OSBPL3: variants seen among roughly 807,000 people sequenced by gnomAD.
OSBPL3 encodes the protein oxysterol-binding protein-related protein 3.
OSBPL3 carries 65 observed loss-of-function variants against 120.1 expected under a neutral mutation model. The observed-to-expected ratio is 0.54, with a 90% confidence interval of 0.44 to 0.67. The LOEUF (loss-of-function observed/expected upper bound fraction) is 0.67. Ranked by LOEUF, OSBPL3 falls within the 30% of genes least tolerant of loss-of-function variation. The pLI is 0.00. For missense variants in OSBPL3, 1,004 were observed against 1,082.1 expected (o/e 0.93, Z 1.01); for synonymous variants, 416 against 402.6 (o/e 1.03, Z -0.40).
rs1312045369 is a variant in OSBPL3 at position 24,913,069 on chromosome 7, C to A, written c.-149-20448G>T. Among the ~76,000 whole-genome samples the A allele has an allele frequency of 6.6e-6, 1 of 152,232 alleles. No individual in the cohort carries two copies. Among genetic ancestry groups the A allele is most frequent in the Non-Finnish European group, 1.5e-5 (1 of 68,050 alleles). On this transcript the variant is annotated intron_variant, in intron 1 of 22. Coordinates refer to ENST00000313367, the MANE Select transcript of OSBPL3 (RefSeq NM_015550.4). The surrounding 1 kb of genome is among the most constrained non-coding windows in gnomAD (Gnocchi z 5.3). ...CCAGCATCAACCCGCAGACATGTGA[C>A]TGAGCAAGGATTCAAATGTCCCAGC... is the stretch of plus-strand genomic sequence containing the variant.
In OSBPL3 at chr7:24,854,350, C is replaced by T; in HGVS notation, c.1028-1716G>A. ...AGTGGGCTATTTAGTAACACAGAAA[C>T]TAAATAGGCATTATTGACTTACTTC... On this transcript the variant is annotated intron_variant, in intron 10 of 22. Transcript: ENST00000313367. This position sits in a 1 kb window ranked among gnomAD's most constrained non-coding sequence, Gnocchi z 4.1. Among the ~76,000 whole-genome samples the T allele has an allele frequency of 6.6e-6, 1 of 152,092 alleles. No homozygotes were observed. Among genetic ancestry groups the T allele is most frequent in the East Asian group, 1.9e-4 (1 of 5,200 alleles).
chr7:24,832,522 AAAAAAAAAAG>A (rs1195422898), intron 15 of OSBPL3, among the ~76,000 whole-genome samples: 1 of 151,272 alleles, frequency 6.6e-6, no homozygotes, highest in Non-Finnish European at 1.5e-5. Flanking sequence ...AGAAAAAAAA[AAAAAAAAAAG>A]AAGAAGAAAA....
In OSBPL3 at chr7:24,938,781, G is replaced by GTGTGTGTC. The variant is rs759920291; in HGVS notation, c.-150+41104_-150+41105insGACACACA. On this transcript the variant is annotated intron_variant, in intron 1 of 22. Transcript: ENST00000313367. This position sits in a 1 kb window ranked among gnomAD's most constrained non-coding sequence, Gnocchi z 5.8. ...CTGAATAATGAGGTTTTGTTTTGAT[G>GTGTGTGTC]TGTGTGTGTGTGTGTGTGTGTGTGT... Among the ~76,000 whole-genome samples the GTGTGTGTC allele has an allele frequency of 0.22, 10,496 of 47,438 alleles. 731 individuals are homozygous for GTGTGTGTC. The highest frequency in any genetic ancestry group is 0.37 in the East Asian group (751 of 2,018). 31.1% of individuals were successfully genotyped at this position (47,438 alleles called of 152,430 possible). A position where few individuals can be genotyped will look rare whatever the true frequency, so the allele number is the denominator to read the frequency against.
rs776726443 is a variant in OSBPL3, at chr7:24,830,783, C to A, written c.1869G>T (p.Gln623His). The change falls in exon 16 of 23, where the codon CAG (glutamine) becomes CAT (histidine). Residue 623 changes from glutamine (Q) to histidine (H), a missense_variant. Around this residue, in one of 4 missense-constraint regions of OSBPL3, gnomAD observed 473 missense variants for 568.0 expected, o/e 0.83. Coordinates refer to ENST00000313367, the MANE Select transcript of OSBPL3 (RefSeq NM_015550.4). The surrounding 1 kb of genome is among the most constrained non-coding windows in gnomAD (Gnocchi z 4.4). ...YECIREDKGF[Q>H]FFSEQVSHHP... ...GTACATCTACCTGTTCTGAAAAAAA[C>A]TGGAAGCCCTTGTCCTCCCGAATAC... 6.2e-7 allele frequency: 1 copy of A among 1,610,396 alleles called. No individual in the cohort carries two copies. The highest frequency in any genetic ancestry group is 8.5e-7 in the Non-Finnish European group (1 of 1,179,118).
rs927491848 is a variant in OSBPL3, at chr7:24,953,765, AG to A, written c.-150+26120del. ...GTCACTTAGATCAAGGCACAACTGG[AG>A]CTCCATTTAATAAATGGTCAATGCC... On this transcript the variant is annotated intron_variant, in intron 1 of 22. Transcript: ENST00000313367. This position sits in a 1 kb window ranked among gnomAD's most constrained non-coding sequence, Gnocchi z 4.3. Among the ~76,000 whole-genome samples, 27 of 152,228 alleles carry A rather than the reference AG, an allele frequency of 1.8e-4. 1 individual carries two copies. Among genetic ancestry groups the A allele is most frequent in the African/African-American group, 6.5e-4 (27 of 41,466 alleles).
At chr7:24,948,305 A>T (rs1813981083) in intron 1 of OSBPL3, among the ~76,000 whole-genome samples, 2 of 152,252 alleles carry the variant, frequency 1.3e-5, no homozygotes, top group Non-Finnish European at 2.9e-5. Context: ...ACTTCTATAC[A>T]AAAGAATTAA....
chr7:24,925,859 A>G (rs565948357), intron 1 of OSBPL3, among the ~76,000 whole-genome samples: 1 of 152,382 alleles, frequency 6.6e-6, no homozygotes, highest in East Asian at 1.9e-4. Context: ...CAGATTTGTG[A>G]TGTGGAAAAG....
intron 1 of OSBPL3, among the ~76,000 whole-genome samples, chr7:24,910,057 C>T (rs1409042304): frequency 2.0e-5 from 3 of 152,052 alleles, no homozygotes; most frequent in Admixed American, 6.6e-5. Flanking sequence ...CCACCTGCCT[C>T]GGCCTCCCAA....
chr7:24,954,460 C>T (rs1043421698), intron 1 of OSBPL3, among the ~76,000 whole-genome samples: 7 of 152,232 alleles, frequency 4.6e-5, no homozygotes, highest in Non-Finnish European at 8.8e-5. Flanking sequence ...ATCATATCCA[C>T]GAGAGACCCA....
At chr7:24,811,232 T>C (rs1303241402) in intron 19 of OSBPL3, among the ~76,000 whole-genome samples, 2 of 152,254 alleles carry the variant, frequency 1.3e-5, no homozygotes, top group African/African-American at 4.8e-5. Flanking sequence ...TATGAGGTGA[T>C]ATCTCATTGT....
chr7:24,951,018 T>C (rs1004087814), intron 1 of OSBPL3, among the ~76,000 whole-genome samples: 16 of 152,214 alleles, frequency 1.1e-4, no homozygotes, highest in African/African-American at 3.6e-4. Context: ...TTATATGATA[T>C]TGTGTCAAAG....
chr7:24,949,764 CA>C (rs1317556115), intron 1 of OSBPL3, among the ~76,000 whole-genome samples: 1 of 152,110 alleles, frequency 6.6e-6, no homozygotes, highest in Non-Finnish European at 1.5e-5. Flanking sequence ...CAGAGGGGTA[CA>C]GGGATGGCTG....
chr7:24,860,215 C>T (rs1186020393), intron 10 of OSBPL3, among the ~76,000 whole-genome samples: 1 of 152,140 alleles, frequency 6.6e-6, no homozygotes. Flanking sequence ...CTACAAGATC[C>T]CTTGTGCTAC....
Position 24,863,103 on chromosome 7 carries a change from C to A in OSBPL3, c.870+97G>T. 1 of 811,398 alleles carries A rather than the reference C, an allele frequency of 1.2e-6. No homozygotes were observed. Among genetic ancestry groups the A allele is most frequent in the Admixed American group, 1.8e-5 (1 of 55,598 alleles). 50.3% of individuals were successfully genotyped at this position (811,398 alleles called of 1,614,324 possible). ...AAAGAACAACTACAGAATATTCACT[C>A]ATCTATTCTCCTAGCTGAGTCAAGG... On this transcript the variant is annotated intron_variant, in intron 9 of 22. Coordinates refer to ENST00000313367, the MANE Select transcript of OSBPL3 (RefSeq NM_015550.4). The surrounding 1 kb of genome is among the most constrained non-coding windows in gnomAD (Gnocchi z 5.8).
intron 7 of OSBPL3, among the ~76,000 whole-genome samples, chr7:24,864,396 G>T (rs1193626410): frequency 3.3e-5 from 5 of 152,180 alleles, no homozygotes; most frequent in Non-Finnish European, 7.3e-5. Context: ...ATACATCTGG[G>T]TTGAGCCTGA....
rs1371830175 is a variant in OSBPL3 at position 24,892,329 on chromosome 7, T to C, written c.96+48A>G. On this transcript the variant is annotated intron_variant, in intron 2 of 22. Transcript: ENST00000313367. Reference sequence around the variant, plus strand: ...AATGTGTGCATTTTAACCAGCAAACTTGATGGCTTACATTTGCATATTAAA... The same window carrying C: ...AATGTGTGCATTTTAACCAGCAAACCTGATGGCTTACATTTGCATATTAAA... 2.5e-6 allele frequency: 4 copies of C among 1,592,016 alleles called. No individual in the cohort carries two copies. The Admixed American group carries it at 5.0e-5, about 20-fold the overall frequency.
In OSBPL3 at chr7:24,963,172, T is replaced by C. The variant is rs191776032; in HGVS notation, c.-150+16714A>G. Among the ~76,000 whole-genome samples, 878 of 152,318 alleles carry C rather than the reference T, an allele frequency of 5.8e-3. 3 individuals carry two copies. The highest frequency in any genetic ancestry group is 0.02 in the African/African-American group (841 of 41,562). On this transcript the variant is annotated intron_variant, in intron 1 of 22. Coordinates refer to ENST00000313367, the MANE Select transcript of OSBPL3 (RefSeq NM_015550.4). The stretch of plus-strand genomic sequence containing the variant: ...AAAACCTGTCTGCTCAGTTCTATTT[T>C]TGTGGATGTCAGGAGCTCACAGGAT...
chr7:24,924,082 G>C (rs563899337), intron 1 of OSBPL3, among the ~76,000 whole-genome samples: 1 of 152,114 alleles, frequency 6.6e-6, no homozygotes, highest in Non-Finnish European at 1.5e-5. Flanking sequence ...TTTATAATAG[G>C]AAAAAGTGTA....
intron 1 of OSBPL3, among the ~76,000 whole-genome samples, chr7:24,970,775 G>A (rs992572979): frequency 1.3e-5 from 2 of 152,170 alleles, no homozygotes; most frequent in African/African-American, 4.8e-5. Context: ...AAACGTTAGT[G>A]TGCATCATAA....
Sources: gnomAD v4.1 joint callset for allele counts (sites outside exome capture counted in the v4.1 genomes callset) on GRCh38, gnomAD v4.1.1 for gene constraint, gnomAD v4.1.1 regional missense constraint, Gnocchi (gnomAD v3.1) non-coding constraint, MANE v1.5 for transcripts, NCBI Gene and HGNC (gene_info 2026-07-23, HGNC 2026-07-21) for gene names.